The following EIF4G3 variants were observed in gnomAD, a reference collection of about 807,000 sequenced individuals.
The protein encoded by EIF4G3 is eIF-4-gamma 3.
Under a neutral mutation model 186.4 loss-of-function variants are expected in EIF4G3, and 34 were observed. That is an observed-to-expected ratio of 0.18 (90% CI 0.14 to 0.24). EIF4G3 has a LOEUF of 0.24. Among genes scored for constraint, EIF4G3 ranks in the 10% least tolerant of loss-of-function variants. The pLI is 1.00. For synonymous variants in EIF4G3, 673 were observed against 679.5 expected, an observed-to-expected ratio of 0.99 and a Z score of 0.15; for missense variants, 1,536 against 1,948.5, an observed-to-expected ratio of 0.79 and a Z score of 3.99.
At chr1:20,953,041 T>C (rs1219506990) in intron 12 of EIF4G3, among the ~76,000 whole-genome samples, 5 of 152,176 alleles carry the variant, frequency 3.3e-5, no homozygotes, top group Non-Finnish European at 5.9e-5. Flanking sequence ...ATGAAGAAAT[T>C]AAGCTAGACA....
At chr1:21,001,099 A>G in intron 6 of EIF4G3, 100 bp downstream of exon 6, 16 of 439,236 alleles carry the variant, frequency 3.6e-5, no homozygotes, top group South Asian at 2.7e-4. Flanking sequence ...GAAGCAATCA[A>G]TGCATTTCTG....
chr1:21,042,710 C>G (rs1489027835), intron 4 of EIF4G3, among the ~76,000 whole-genome samples: 1 of 152,228 alleles, frequency 6.6e-6, no homozygotes, highest in Admixed American at 6.5e-5. Context: ...TACTATGGTA[C>G]TTAACCTCTC....
chr1:21,165,275 T>C (rs1225781486), intron 2 of EIF4G3, among the ~76,000 whole-genome samples: 1 of 152,206 alleles, frequency 6.6e-6, no homozygotes, highest in Non-Finnish European at 1.5e-5. Context: ...TTTTGGCAGC[T>C]CCTCCAAATG....
chr1:20,933,943 T>A (rs994585776), intron 14 of EIF4G3, among the ~76,000 whole-genome samples: 6 of 152,086 alleles, frequency 3.9e-5, no homozygotes, highest in African/African-American at 1.4e-4. Context: ...AATTTGGAAA[T>A]CCTACTTTGG....
chr1:21,138,621 C>T (rs1472280725), intron 2 of EIF4G3, among the ~76,000 whole-genome samples: 1 of 151,996 alleles, frequency 6.6e-6, no homozygotes, highest in Non-Finnish European at 1.5e-5. Context: ...AGCGCAAGGC[C>T]AGCCTGGTCA....
At chr1:21,090,798 T>C (rs906974151) in intron 2 of EIF4G3, among the ~76,000 whole-genome samples, 12 of 152,206 alleles carry the variant, frequency 7.9e-5, no homozygotes, top group African/African-American at 2.9e-4. Context: ...AAGACTCAAG[T>C]TATCATTTCC....
chr1:20,895,821 G>A (rs560760582), intron 16 of EIF4G3, among the ~76,000 whole-genome samples: 19 of 152,170 alleles, frequency 1.2e-4, no homozygotes, highest in South Asian at 6.2e-4. Context: ...AAATAACTAC[G>A]TTACTGGCTT....
In EIF4G3 at chr1:21,078,554, T is replaced by C. The variant is rs116106660; in HGVS notation, c.-196+10584A>G. Among the ~76,000 whole-genome samples the C allele has an allele frequency of 5.5e-3, 836 of 152,348 alleles. 8 individuals carry two copies. The highest frequency in any genetic ancestry group is 0.019 in the African/African-American group (804 of 41,578). ...TAGCGTTAGCAGAGTAGGGCAACTATAGTTAACATTCATTTGTTGTATATT... is the reference window on the plus strand; with the variant it reads ...TAGCGTTAGCAGAGTAGGGCAACTACAGTTAACATTCATTTGTTGTATATT... On this transcript the variant is annotated intron_variant, in intron 3 of 36. Coordinates refer to ENST00000602326, the MANE Select transcript of EIF4G3 (RefSeq NM_001391906.1).
chr1:20,956,299 T>C (rs575326767), intron 12 of EIF4G3, among the ~76,000 whole-genome samples: 3 of 152,340 alleles, frequency 2.0e-5, no homozygotes, highest in South Asian at 2.1e-4. Context: ...AGTTAGTCAA[T>C]AGTGAAGAGA....
At chr1:20,983,797 A>C (rs2154566959) in intron 7 of EIF4G3, among the ~76,000 whole-genome samples, 1 of 152,360 alleles carries the variant, frequency 6.6e-6, no homozygotes, top group African/African-American at 2.4e-5. Flanking sequence ...AAATAATGTC[A>C]AAATACTCCT....
At chr1:20,857,251 C>A in intron 25 of EIF4G3, 152 bp downstream of exon 25, 6 of 548,404 alleles carry the variant, frequency 1.1e-5, no homozygotes, top group Admixed American at 2.8e-5. Flanking sequence ...TAAAAAATAA[C>A]CACCCCATGG....
intron 10 of EIF4G3, among the ~76,000 whole-genome samples, chr1:20,973,794 T>G (rs1260818369): frequency 6.6e-6 from 1 of 152,234 alleles, no homozygotes; most frequent in Non-Finnish European, 1.5e-5. Context: ...ACTGCCCATC[T>G]GCCTGAAATT....
At chr1:20,972,948 A>T in intron 11 of EIF4G3, 54 bp downstream of exon 11, 1 of 1,417,584 alleles carries the variant, frequency 7.1e-7, no homozygotes, top group Non-Finnish European at 9.6e-7. Flanking sequence ...AACTTATCTG[A>T]TAAGTGAATA....
intron 30 of EIF4G3, among the ~76,000 whole-genome samples, chr1:20,837,010 A>C (rs750208188): frequency 6.6e-6 from 1 of 152,228 alleles, no homozygotes; most frequent in Non-Finnish European, 1.5e-5. Flanking sequence ...TATGTTTCAC[A>C]TACAGCAACT....
At chr1:21,061,617 G>C (rs2094917001) in intron 3 of EIF4G3, among the ~76,000 whole-genome samples, 1 of 152,030 alleles carries the variant, frequency 6.6e-6, no homozygotes, top group African/African-American at 2.4e-5. Flanking sequence ...AAACTTATGA[G>C]AGGAAGATGG....
At chr1:21,172,118 CAAAAAAAA>C (rs35477282) in intron 2 of EIF4G3, among the ~76,000 whole-genome samples, 9 of 105,530 alleles carry the variant, frequency 8.5e-5, no homozygotes, top group African/African-American at 2.5e-4. Context: ...CCTCCTCTAG[CAAAAAAAA>C]AAAAAAAAAA....
chr1:20,927,240 T>C (rs534579646), intron 14 of EIF4G3, among the ~76,000 whole-genome samples: 1 of 152,100 alleles, frequency 6.6e-6, no homozygotes, highest in Non-Finnish European at 1.5e-5. Flanking sequence ...TAATGTGGTC[T>C]AGGTTGAAGA....
intron 10 of EIF4G3, 90 bp downstream of exon 10, chr1:20,980,244 C>T (rs2077671786): frequency 1.2e-6 from 1 of 860,068 alleles, no homozygotes; most frequent in Non-Finnish European, 1.8e-6. Flanking sequence ...CTTCTTACCA[C>T]TAAACCTCAT....
chr1:21,142,364 G>A (rs903236523), intron 2 of EIF4G3, among the ~76,000 whole-genome samples: 2 of 151,646 alleles, frequency 1.3e-5, no homozygotes, highest in African/African-American at 4.8e-5. Flanking sequence ...AAATTAGCCA[G>A]TGTGGTGCAC....
Sources: gnomAD v4.1 joint callset for allele counts (sites outside exome capture counted in the v4.1 genomes callset) on GRCh38, gnomAD v4.1.1 for gene constraint, MANE v1.5 for transcripts, NCBI Gene and HGNC (gene_info 2026-07-23, HGNC 2026-07-21) for gene names.